AMOTL1: variants seen among roughly 807,000 people sequenced by gnomAD.
AMOTL1 encodes angiomotin-like protein 1.
In AMOTL1, 45 loss-of-function variants were observed where a neutral mutation model predicts 102.9. That is an observed-to-expected ratio of 0.44 (90% CI 0.34 to 0.56). AMOTL1 has a LOEUF of 0.56. AMOTL1 is among the 20% of genes least tolerant of loss of function. AMOTL1 has a pLI of 0.01. For missense variants in AMOTL1, 1,114 were observed against 1,225.6 expected (o/e 0.91, Z 1.36); for synonymous variants, 481 against 484.7 (o/e 0.99, Z 0.10).
intron 1 of AMOTL1, among the ~76,000 whole-genome samples, chr11:94,769,001 CG>C (rs1192674409): frequency 6.6e-6 from 1 of 152,140 alleles, no homozygotes; most frequent in African/African-American, 2.4e-5. Flanking sequence ...GCCCGCCCGA[CG>C]GGCTCTGGCG....
At chr11:94,746,054 CTGCAAA>C (rs1402693158) in intron 3 of AMOTL1, among the ~76,000 whole-genome samples, 3 of 148,492 alleles carry the variant, frequency 2.0e-5, no homozygotes, top group Non-Finnish European at 4.6e-5. Flanking sequence ...TTATATCAGT[CTGCAAA>C]TGAATAACTA....
At chr11:94,823,042 A>C (rs534252692) in intron 4 of AMOTL1, among the ~76,000 whole-genome samples, 3 of 152,184 alleles carry the variant, frequency 2.0e-5, no homozygotes, top group Non-Finnish European at 4.4e-5. Flanking sequence ...TCTATGTGAC[A>C]ATTAATGCTC....
intron 8 of AMOTL1, among the ~76,000 whole-genome samples, chr11:94,857,487 T>C (rs1008391596): frequency 6.6e-6 from 1 of 152,196 alleles, no homozygotes; most frequent in Non-Finnish European, 1.5e-5. Flanking sequence ...TCCTGTTTTA[T>C]AAGTAATTGC....
chr11:94,848,166 C>T (rs1952457090), intron 6 of AMOTL1, among the ~76,000 whole-genome samples: 2 of 152,192 alleles, frequency 1.3e-5, no homozygotes, highest in African/African-American at 2.4e-5. Context: ...GCTTTGATCC[C>T]TTCAGGGCTG....
chr11:94,738,594 A>C, intron 2 of AMOTL1, among the ~76,000 whole-genome samples: 1 of 152,186 alleles, frequency 6.6e-6, no homozygotes, highest in African/African-American at 2.4e-5. Context: ...AGCTGGGTGT[A>C]GATGGAAAGA....
At chr11:94,715,202 G>C (rs1446055156) in intron 1 of AMOTL1, among the ~76,000 whole-genome samples, 2 of 151,986 alleles carry the variant, frequency 1.3e-5, no homozygotes, top group Non-Finnish European at 2.9e-5. Flanking sequence ...CTGATTTCTA[G>C]TCTTATTCCA....
At chr11:94,813,916 A>G (rs1951724044) in intron 3 of AMOTL1, among the ~76,000 whole-genome samples, 1 of 152,174 alleles carries the variant, frequency 6.6e-6, no homozygotes, top group East Asian at 1.9e-4. Flanking sequence ...CTTTTGAATG[A>G]AAGGGCAGAA....
Position 94,869,252 on chromosome 11 carries a change from C to G in AMOTL1, c.2543C>G (p.Pro848Arg). 6.2e-7 allele frequency: 1 copy of G among 1,613,058 alleles called. No individual in the cohort carries two copies. Among genetic ancestry groups the G allele is most frequent in the Non-Finnish European group, 8.5e-7 (1 of 1,179,354 alleles). Residue 848 changes from proline to arginine, a missense_variant, in exon 12 of 13, where the codon CCC (proline) becomes CGC (arginine). By Grantham distance (103) the Pro-to-Arg change is moderately radical. Transcript: ENST00000433060. The part of the protein sequence containing the change: ...HEHASAPLLP[P>R]PPTSALSSIA... ...CATGCCTCTGCCCCACTGCTGCCACCCCCACCCACCTCAGCACTGTCCTCC... is the reference window on the plus strand; with the variant it reads ...CATGCCTCTGCCCCACTGCTGCCACGCCCACCCACCTCAGCACTGTCCTCC...
intron 6 of AMOTL1, among the ~76,000 whole-genome samples, chr11:94,846,929 A>G (rs948689252): frequency 2.6e-5 from 4 of 152,214 alleles, no homozygotes; most frequent in African/African-American, 9.7e-5. Flanking sequence ...TACTTATTCA[A>G]CAAACATGGG....
In AMOTL1 at chr11:94,864,767, G is replaced by A; in HGVS notation, c.2168G>A (p.Gly723Asp). The A allele has an allele frequency of 6.2e-7, 1 of 1,613,760 alleles. No homozygotes were observed. Among genetic ancestry groups the A allele is most frequent in the Non-Finnish European group, 8.5e-7 (1 of 1,179,744 alleles). ...ACGATCATCAACCACTCACGGAATG[G>A]CAGCTACGGAGAGAGCTCGCTGGAG... ...DTTIINHSRN[G>D]SYGESSLEAH... The change falls in exon 10 of 13, where the codon GGC becomes GAC. Residue 723 changes from glycine to aspartate, a missense_variant. By Grantham distance (94) the Gly-to-Asp change is moderately conservative. Transcript: ENST00000433060.
At chr11:94,793,832 C>A (rs1163600346) in intron 1 of AMOTL1, among the ~76,000 whole-genome samples, 3 of 152,230 alleles carry the variant, frequency 2.0e-5, no homozygotes, top group African/African-American at 7.2e-5. Flanking sequence ...GTGGGCATTA[C>A]AACTACATTA....
chr11:94,821,940 C>A, intron 4 of AMOTL1, 119 bp downstream of exon 4: 3 of 1,324,222 alleles, frequency 2.3e-6, no homozygotes, highest in Non-Finnish European at 3.1e-6. Flanking sequence ...AGGCCCTGTG[C>A]AAGGCTTTAG....
At chr11:94,864,332 A>G (rs1260754869) in intron 9 of AMOTL1, among the ~76,000 whole-genome samples, 1 of 152,154 alleles carries the variant, frequency 6.6e-6, no homozygotes, top group African/African-American at 2.4e-5. Context: ...CATATTCATA[A>G]CATGCCATGT....
chr11:94,817,850 G>A lies in AMOTL1; in HGVS notation c.1122-3680G>A, dbSNP rs532940270. Among the ~76,000 whole-genome samples the A allele has an allele frequency of 2.2e-3, 335 of 152,248 alleles. 2 individuals are homozygous for A. Among genetic ancestry groups the A allele is most frequent in the African/African-American group, 7.8e-3 (325 of 41,558 alleles). On this transcript the variant is annotated intron_variant, in intron 3 of 12. Transcript: ENST00000433060. Reference sequence around the variant, plus strand: ...ATCGAGCAGAACATGACTTAATTACGTAGACTAATGAAAGACTGAAATAAT... The same window carrying A: ...ATCGAGCAGAACATGACTTAATTACATAGACTAATGAAAGACTGAAATAAT...
rs532899010 is a variant in AMOTL1 at position 94,866,060 on chromosome 11, G to A, written c.2380G>A (p.Val794Ile). Residue 794 changes from valine (V) to isoleucine (I), a missense_variant, in exon 11 of 13, where the codon GTT (valine) becomes ATT (isoleucine). Transcript: ENST00000433060. ...DSSSLRPARS[V>I]PSIAAATGTH... ...CTCCAGCCTACGTCCTGCCCGCTCC[G>A]TTCCATCCATAGCAGCAGCTACTGG... The A allele has an allele frequency of 4.4e-5, 71 of 1,613,968 alleles. No homozygotes were observed. The highest frequency in any genetic ancestry group is 6.7e-5 in the Admixed American group (4 of 60,026).
intron 6 of AMOTL1, among the ~76,000 whole-genome samples, chr11:94,846,993 A>G (rs890283763): frequency 6.6e-6 from 1 of 152,230 alleles, no homozygotes; most frequent in African/African-American, 2.4e-5. Flanking sequence ...TTTATAATTG[A>G]CAACACTACT....
intron 1 of AMOTL1, among the ~76,000 whole-genome samples, chr11:94,778,413 A>T (rs780388453): frequency 6.6e-6 from 1 of 152,036 alleles, no homozygotes; most frequent in South Asian, 2.1e-4. Flanking sequence ...AATGGTTAAG[A>T]CTCCAGAACT....
rs767953118 is a variant in AMOTL1 at position 94,869,476 on chromosome 11, A to G, written c.2764+3A>G. On this transcript the variant is annotated splice_donor_region_variant and intron_variant, in intron 12 of 12. Transcript: ENST00000433060. ...CAAAGGGACCGCAGAGAAACTGGGTATGTGGGCTACCCCACCTTGATGCCC... is the reference window on the plus strand; with the variant it reads ...CAAAGGGACCGCAGAGAAACTGGGTGTGTGGGCTACCCCACCTTGATGCCC... 11 of 1,591,290 alleles carry G rather than the reference A, an allele frequency of 6.9e-6. No homozygotes were observed. The highest frequency in any genetic ancestry group is 1.1e-5 in the South Asian group (1 of 87,428).
intron 3 of AMOTL1, among the ~76,000 whole-genome samples, chr11:94,760,053 C>A (rs570618922): frequency 6.6e-6 from 1 of 152,182 alleles, no homozygotes; most frequent in African/African-American, 2.4e-5. Flanking sequence ...TTTAGCAAGC[C>A]CTTCAGGTGA....
Sources: allele counts gnomAD v4.1 joint callset (sites outside exome capture counted in the v4.1 genomes callset), GRCh38; gene constraint gnomAD v4.1.1; transcripts MANE v1.5; gene names NCBI Gene and HGNC (gene_info 2026-07-23, HGNC 2026-07-21).